IL1RN: variants seen among roughly 807,000 people sequenced by gnomAD.
The protein encoded by IL1RN is interleukin-1 receptor antagonist protein.
In IL1RN, 10 loss-of-function variants were observed where a neutral mutation model predicts 13.7. The ratio of observed to expected loss-of-function variants is 0.73; its 90% confidence interval spans 0.45 to 1.24. The LOEUF is 1.24. Ranked by LOEUF, IL1RN falls within the 50% of genes most tolerant of loss-of-function variation. The pLI is 0.00. For missense variants in IL1RN, 213 were observed against 222.1 expected, an observed-to-expected ratio of 0.96 and a Z score of 0.26; for synonymous variants, 102 against 82.7, an observed-to-expected ratio of 1.23 and a Z score of -1.27.
chr2:113,115,470 A>G (rs938130873), upstream of IL1RN: 16 of 152,068 alleles, frequency 1.1e-4, no homozygotes, highest in African/African-American at 3.4e-4. Flanking sequence ...CTTTCCTTCT[A>G]CCCTTCCCCT....
At chr2:113,131,879 C>G (rs941186243) in intron 3 of IL1RN, among the ~76,000 whole-genome samples, 21 of 152,164 alleles carry the variant, frequency 1.4e-4, no homozygotes, top group Middle Eastern at 3.2e-3. Context: ...AGTGGCCATA[C>G]TGTGGCACTG....
upstream of IL1RN, among the ~76,000 whole-genome samples, chr2:113,122,855 G>A (rs1275253999): frequency 6.6e-6 from 1 of 152,220 alleles, no homozygotes; most frequent in African/African-American, 2.4e-5. Flanking sequence ...GCTGGGCACA[G>A]TGGCTCACAC....
At chr2:113,114,289 C>A (rs1443002119), upstream of IL1RN, among the ~76,000 whole-genome samples, 1 of 152,170 alleles carries the variant, frequency 6.6e-6, no homozygotes, top group Non-Finnish European at 1.5e-5. Context: ...AAGGTGACCA[C>A]CCTAAGGCTT....
chr2:113,114,310 G>C (rs143709496), upstream of IL1RN, among the ~76,000 whole-genome samples: 11 of 152,126 alleles, frequency 7.2e-5, no homozygotes, highest in African/African-American at 2.4e-4. Context: ...ATGGATTCAG[G>C]AGTCCTCAGT....
upstream of IL1RN, among the ~76,000 whole-genome samples, chr2:113,109,017 T>C (rs1435207801): frequency 6.6e-6 from 1 of 151,826 alleles, no homozygotes; most frequent in Non-Finnish European, 1.5e-5. Context: ...ATATAACTTC[T>C]AAATCAATAT....
At chr2:113,109,757 T>G (rs1451116106), upstream of IL1RN, among the ~76,000 whole-genome samples, 1 of 134,196 alleles carries the variant, frequency 7.5e-6, no homozygotes, top group Non-Finnish European at 1.7e-5. Context: ...TAAACTATTA[T>G]GACTGCAAAA....
chr2:113,122,552 G>C (rs1296331752), intron 2 of IL1RN, among the ~76,000 whole-genome samples: 1 of 152,156 alleles, frequency 6.6e-6, no homozygotes, highest in Non-Finnish European at 1.5e-5. Context: ...AGATTCAATT[G>C]TTAAACTTTT....
chr2:113,109,092 G>A (rs2104421765), upstream of IL1RN, among the ~76,000 whole-genome samples: 1 of 151,938 alleles, frequency 6.6e-6, no homozygotes, highest in South Asian at 2.1e-4. Flanking sequence ...TAAATAATAA[G>A]GTGAGAGAGA....
upstream of IL1RN, chr2:113,127,545 G>A (rs889091043): frequency 4.8e-5 from 75 of 1,559,880 alleles, no homozygotes; most frequent in Non-Finnish European, 6.4e-5. Flanking sequence ...CAGACGCCTA[G>A]CTTGGGTGAG....
chr2:113,114,492 G>A (rs931973031), upstream of IL1RN, among the ~76,000 whole-genome samples: 18 of 152,188 alleles, frequency 1.2e-4, no homozygotes, highest in Non-Finnish European at 2.6e-4. Context: ...TGGTGGTGGC[G>A]ATGGAGGTAG....
chr2:113,127,440 C>T (rs1026556636), upstream of IL1RN: 16 of 1,389,848 alleles, frequency 1.2e-5, no homozygotes, highest in South Asian at 3.1e-5. Flanking sequence ...CACTCCATTG[C>T]GACACTTAGT....
upstream of IL1RN, among the ~76,000 whole-genome samples, chr2:113,127,294 T>G (rs1158221619): frequency 6.6e-6 from 1 of 152,158 alleles, no homozygotes; most frequent in African/African-American, 2.4e-5. Flanking sequence ...ACAAACAGAC[T>G]CTGGGTACCT....
rs754695048 is a variant in IL1RN, at chr2:113,133,984, C to T, written c.*1113C>T. 6.5e-6 allele frequency: 1 copy of T among 152,684 alleles called. No individual in the cohort carries two copies. Among genetic ancestry groups the T allele is most frequent in the Non-Finnish European group, 1.5e-5 (1 of 68,066 alleles). 9.5% of individuals were successfully genotyped at this position (152,684 alleles called of 1,614,324 possible). On this transcript the variant is annotated 3_prime_UTR_variant, in exon 4 of 4. Coordinates refer to ENST00000409930, the MANE Select transcript of IL1RN (RefSeq NM_173842.3). ...AGTTCCCTACTTCCTGTGACTTCAG[C>T]TCTGTTTTACAATAAAATCTTGAAA... is the stretch of plus-strand genomic sequence containing the variant.
upstream of IL1RN, among the ~76,000 whole-genome samples, chr2:113,126,395 TG>T (rs1686960313): frequency 6.6e-6 from 1 of 152,206 alleles, no homozygotes; most frequent in Non-Finnish European, 1.5e-5. Flanking sequence ...TAAATCTTTC[TG>T]AGTCTTCTTG....
chr2:113,113,943 G>A (rs1170508466), upstream of IL1RN, among the ~76,000 whole-genome samples: 2 of 152,166 alleles, frequency 1.3e-5, no homozygotes, highest in African/African-American at 4.8e-5. Context: ...TACTGGATTA[G>A]TTCCCTCTGT....
In IL1RN at chr2:113,120,199, G is replaced by GT. The variant is rs1406460868; in HGVS notation, c.73+72dup. 8.9e-5 allele frequency: 92 copies of GT among 1,034,078 alleles called. No homozygotes were observed. The East Asian group carries it at 2.1e-3, about 23-fold the overall frequency. 64.1% of individuals were successfully genotyped at this position (1,034,078 alleles called of 1,614,324 possible). A position where few individuals can be genotyped will look rare whatever the true frequency, so the allele number is the denominator to read the frequency against. ...TAGATATGAACAACATCTTGATTAT[G>GT]TAGTTGAAGGAAATTAAAGATGAAT... On this transcript the variant is annotated intron_variant, in intron 2 of 5. Coordinates refer to the IL1RN transcript ENST00000259206.
the IL1RN span, among the ~76,000 whole-genome samples, chr2:113,099,752 T>TTTTA: frequency 8.1e-6 from 1 of 122,910 alleles, no homozygotes; most frequent in South Asian, 2.8e-4. Flanking sequence ...TTTTTTTTTT[T>TTTTA]GAGACGGAGT....
intron 3 of IL1RN, among the ~76,000 whole-genome samples, chr2:113,131,702 C>T (rs541063892): frequency 2.3e-4 from 35 of 152,264 alleles, no homozygotes; most frequent in Non-Finnish European, 4.0e-4. Context: ...CAAAGCCCAT[C>T]CTCAGGACCT....
At chr2:113,122,424 A>T (rs1263815483) in intron 2 of IL1RN, among the ~76,000 whole-genome samples, 1 of 152,202 alleles carries the variant, frequency 6.6e-6, no homozygotes, top group African/African-American at 2.4e-5. Flanking sequence ...AGCCAGCAGG[A>T]TCCAATGGTG....
Sources: allele counts gnomAD v4.1 joint callset (sites outside exome capture counted in the v4.1 genomes callset), GRCh38; gene constraint gnomAD v4.1.1; transcripts MANE v1.5; gene names NCBI Gene and HGNC (gene_info 2026-07-23, HGNC 2026-07-21).